ADGRB3: variants seen among roughly 807,000 people sequenced by gnomAD.
ADGRB3 encodes brain-specific angiogenesis inhibitor 3.
In ADGRB3, 37 loss-of-function variants were observed where a neutral mutation model predicts 193.4. That is an observed-to-expected ratio of 0.19 (90% confidence interval 0.15 to 0.25). ADGRB3 has a LOEUF of 0.25. Among genes scored for constraint, ADGRB3 ranks in the 10% least tolerant of loss-of-function variants. ADGRB3 has a pLI of 1.00. For synonymous variants in ADGRB3, 690 were observed against 644.2 expected, an observed-to-expected ratio of 1.07 and a Z score of -1.08; for missense variants, 1,637 against 1,852.9, an observed-to-expected ratio of 0.88 and a Z score of 2.14.
At chr6:68,786,066 T>A (rs1353975825) in intron 3 of ADGRB3, among the ~76,000 whole-genome samples, 2 of 151,640 alleles carry the variant, frequency 1.3e-5, no homozygotes, top group Non-Finnish European at 2.9e-5. Context: ...CGTTGTCAGA[T>A]GAGTAGGTTG....
intron 17 of ADGRB3, among the ~76,000 whole-genome samples, chr6:69,123,405 G>T (rs1032400087): frequency 6.6e-6 from 1 of 152,130 alleles, no homozygotes; most frequent in Non-Finnish European, 1.5e-5. Flanking sequence ...CTTGCAGATT[G>T]TTCAACATTT....
intron 13 of ADGRB3, among the ~76,000 whole-genome samples, chr6:69,031,106 CTTCT>C (rs1770664952): frequency 4.1e-5 from 3 of 72,452 alleles, no homozygotes; most frequent in African/African-American, 1.5e-4. Context: ...CTTCTCTTCT[CTTCT>C]CTTCTCTCTC....
chr6:68,815,745 C>A (rs1353729615), intron 3 of ADGRB3, among the ~76,000 whole-genome samples: 1 of 151,898 alleles, frequency 6.6e-6, no homozygotes, highest in African/African-American at 2.4e-5. Context: ...TTTACATACA[C>A]AATTGCACGA....
At chr6:68,811,382 G>A (rs915937394) in intron 3 of ADGRB3, among the ~76,000 whole-genome samples, 2 of 152,046 alleles carry the variant, frequency 1.3e-5, no homozygotes, top group African/African-American at 4.8e-5. Context: ...CAAAAATAAG[G>A]TTTATATTTC....
At chr6:69,212,011 AGACT>A (rs1765677993) in intron 17 of ADGRB3, among the ~76,000 whole-genome samples, 1 of 152,210 alleles carries the variant, frequency 6.6e-6, no homozygotes, top group Non-Finnish European at 1.5e-5. Context: ...TTGATTTAGC[AGACT>A]GACTTTTATT....
chr6:68,744,285 G>C (rs978624021), intron 3 of ADGRB3, among the ~76,000 whole-genome samples: 6 of 152,130 alleles, frequency 3.9e-5, no homozygotes, highest in Non-Finnish European at 8.8e-5. Flanking sequence ...TTACACTGTT[G>C]ATGGGAGTGT....
At chr6:69,178,713 A>G (rs1215135604) in intron 17 of ADGRB3, among the ~76,000 whole-genome samples, 9 of 152,134 alleles carry the variant, frequency 5.9e-5, no homozygotes, top group Non-Finnish European at 1.0e-4. Flanking sequence ...TATGAAGCTT[A>G]GTTTGGCAGG....
At chr6:69,209,970 G>C (rs960301935) in intron 17 of ADGRB3, among the ~76,000 whole-genome samples, 6 of 151,070 alleles carry the variant, frequency 4.0e-5, no homozygotes, top group African/African-American at 1.5e-4. Context: ...ATATTAAGCA[G>C]CCAACTCCAG....
chr6:68,640,484 A>G lies in ADGRB3; in HGVS notation c.757+1052A>G, dbSNP rs536871299. Among the ~76,000 whole-genome samples the G allele has an allele frequency of 4.6e-5, 7 of 152,356 alleles. No homozygotes were observed. In the East Asian group the frequency reaches 9.6e-4, roughly 21 times the overall value. Reference sequence around the variant, plus strand: ...TGTTGTGTTCCACTCCTTTAAGGACACTGCTGATACATATTAGTTCTTGCT... The same window carrying G: ...TGTTGTGTTCCACTCCTTTAAGGACGCTGCTGATACATATTAGTTCTTGCT... On this transcript the variant is annotated intron_variant, in intron 3 of 31. Coordinates refer to ENST00000370598, the MANE Select transcript of ADGRB3 (RefSeq NM_001704.3).
chr6:69,023,527 GA>G (rs1320038504), intron 13 of ADGRB3, among the ~76,000 whole-genome samples: 1 of 152,100 alleles, frequency 6.6e-6, no homozygotes, highest in South Asian at 2.1e-4. Context: ...TGTGCTTGGG[GA>G]AAAAAATGGC....
chr6:69,258,398 G>A (rs1263621531), intron 20 of ADGRB3, among the ~76,000 whole-genome samples: 1 of 152,148 alleles, frequency 6.6e-6, no homozygotes, highest in Non-Finnish European at 1.5e-5. Context: ...GTCAACATAA[G>A]AAATATCTGC....
intron 22 of ADGRB3, among the ~76,000 whole-genome samples, chr6:69,329,852 T>C (rs2127312728): frequency 6.6e-6 from 1 of 152,310 alleles, no homozygotes; most frequent in Admixed American, 6.5e-5. Context: ...CCAAATGGAT[T>C]ATCTTGTCTC....
At chr6:69,101,433 C>CGTTTGTGTGTGTGTGTGT (rs1773051890) in intron 17 of ADGRB3, among the ~76,000 whole-genome samples, 1 of 145,286 alleles carries the variant, frequency 6.9e-6, no homozygotes, top group Non-Finnish European at 1.5e-5. Flanking sequence ...CAGTAAGTAT[C>CGTTTGTGTGTGTGTGTGT]GTGTGTGTGT....
Position 68,969,167 on chromosome 6 carries a change from G to A in ADGRB3, c.1526-5596G>A, listed in dbSNP as rs563470335. Among the ~76,000 whole-genome samples the A allele has an allele frequency of 3.3e-5, 5 of 152,156 alleles. No homozygotes were observed. In the South Asian group the frequency reaches 8.3e-4, roughly 25 times the overall value. On this transcript the variant is annotated intron_variant, in intron 8 of 31. Coordinates refer to ENST00000370598, the MANE Select transcript of ADGRB3 (RefSeq NM_001704.3). The stretch of plus-strand genomic sequence containing the variant: ...TAAAAAGCAACACTGGGGAATTGGG[G>A]AGGTTCACAGATATAACCAAGTATT...
intron 3 of ADGRB3, among the ~76,000 whole-genome samples, chr6:68,820,733 A>T (rs188006765): frequency 6.6e-6 from 1 of 151,994 alleles, no homozygotes; most frequent in Non-Finnish European, 1.5e-5. Flanking sequence ...ACAAATGAGT[A>T]AGAGTATGCA....
intron 3 of ADGRB3, among the ~76,000 whole-genome samples, chr6:68,670,204 C>CGGGAGAAG: frequency 6.6e-6 from 1 of 151,946 alleles, no homozygotes; most frequent in Non-Finnish European, 1.5e-5. Flanking sequence ...TAAATATCTT[C>CGGGAGAAG]TCCCACTCTG....
At chr6:69,190,856 G>A (rs1032763127) in intron 17 of ADGRB3, among the ~76,000 whole-genome samples, 1 of 151,786 alleles carries the variant, frequency 6.6e-6, no homozygotes, top group Non-Finnish European at 1.5e-5. Context: ...TGTTACAATT[G>A]CCTACATCAG....
rs192097974 is a variant in ADGRB3 at position 68,680,750 on chromosome 6, T to C, written c.757+41318T>C. Among the ~76,000 whole-genome samples the C allele has an allele frequency of 9.2e-5, 14 of 152,300 alleles. No individual in the cohort carries two copies. In the East Asian group the frequency reaches 2.7e-3, roughly 29 times the overall value. On this transcript the variant is annotated intron_variant, in intron 3 of 31. Coordinates refer to ENST00000370598, the MANE Select transcript of ADGRB3 (RefSeq NM_001704.3). ...TAAGTAGGTAAATCATACACATGTATATAAAATAGGTAAATAATATATAAG... is the reference window on the plus strand; with the variant it reads ...TAAGTAGGTAAATCATACACATGTACATAAAATAGGTAAATAATATATAAG...
intron 17 of ADGRB3, among the ~76,000 whole-genome samples, chr6:69,194,246 C>T (rs1050114776): frequency 7.2e-5 from 11 of 152,132 alleles, no homozygotes; most frequent in Non-Finnish European, 4.4e-5. Flanking sequence ...CTCAGATAGA[C>T]TGGAAATGAG....
Sources: allele counts gnomAD v4.1 joint callset (sites outside exome capture counted in the v4.1 genomes callset), GRCh38; gene constraint gnomAD v4.1.1; transcripts MANE v1.5; gene names NCBI Gene and HGNC (gene_info 2026-07-23, HGNC 2026-07-21).